E2F5: variants seen among roughly 807,000 people sequenced by gnomAD.
E2F5 encodes the protein transcription factor E2F5.
In E2F5, 23 loss-of-function variants were observed where a neutral mutation model predicts 39.1. That is an observed-to-expected ratio of 0.59 (90% confidence interval 0.42 to 0.83). The LOEUF (loss-of-function observed/expected upper bound fraction) is 0.83, where lower values mean the gene tolerates loss of function less well. Among genes scored for constraint, E2F5 ranks in the 40% least tolerant of loss-of-function variants. The pLI is 0.00. For missense variants in E2F5, 365 were observed against 406.7 expected (o/e 0.90, Z 0.88); for synonymous variants, 145 against 157.8 (o/e 0.92, Z 0.61).
In E2F5 at chr8:85,214,080, G is replaced by A. The variant is rs940738079; in HGVS notation, c.*218G>A. The A allele has an allele frequency of 2.9e-5, 17 of 591,970 alleles. No individual in the cohort carries two copies. The highest frequency in any genetic ancestry group is 6.8e-5 in the East Asian group (2 of 29,328). The allele number at this position is 591,970 out of a possible 1,614,324, so 36.7% of individuals were successfully genotyped here. A position where few individuals can be genotyped will look rare whatever the true frequency, so the allele number is the denominator to read the frequency against. ...GATAAGTGATTTAATATCCACAAAC[G>A]TCCCCACTCCCAAAAGTAACTATAT... is the stretch of plus-strand genomic sequence containing the variant. On this transcript the variant is annotated 3_prime_UTR_variant, in exon 8 of 8. Coordinates refer to ENST00000416274, the MANE Select transcript of E2F5 (RefSeq NM_001951.4).
chr8:85,212,048 T>TTAAA, intron 6 of E2F5, 109 bp from the exon 7 acceptor site: 2 of 819,342 alleles, frequency 2.4e-6, no homozygotes, highest in Non-Finnish European at 4.0e-6. Flanking sequence ...TACTAGTACT[T>TTAAA]TAAATAAATG....
At chr8:85,203,376 C>A (rs1194922757) in intron 3 of E2F5, 121 bp downstream of exon 3, 2 of 732,852 alleles carry the variant, frequency 2.7e-6, no homozygotes, top group Non-Finnish European at 3.8e-6. Flanking sequence ...GTAAATATGA[C>A]ATTTTAATTT....
At chr8:85,208,282 C>T (rs371602971) in intron 5 of E2F5, among the ~76,000 whole-genome samples, 4 of 152,162 alleles carry the variant, frequency 2.6e-5, no homozygotes, top group East Asian at 3.9e-4. Context: ...GAGCCGAAAT[C>T]GCGCCATTGC....
rs564212600 is a variant in E2F5 at position 85,183,432 on chromosome 8, C to T, written c.234+5778C>T. On this transcript the variant is annotated intron_variant, in intron 1 of 7. Coordinates refer to ENST00000416274, the MANE Select transcript of E2F5 (RefSeq NM_001951.4). ...ACCCAAAGAATTGAAAGCAGGGCCT[C>T]AAGAAGGTATGTATACCCCTGTGTT... Among the ~76,000 whole-genome samples the T allele has an allele frequency of 2.6e-5, 4 of 152,240 alleles. No individual in the cohort carries two copies. The East Asian group carries it at 7.7e-4, about 29-fold the overall frequency.
intron 3 of E2F5, among the ~76,000 whole-genome samples, chr8:85,205,709 G>T (rs1452533140): frequency 6.6e-6 from 1 of 152,182 alleles, no homozygotes; most frequent in Non-Finnish European, 1.5e-5. Context: ...AGCCTGCCTT[G>T]CCTCCCGTCA....
intron 1 of E2F5, among the ~76,000 whole-genome samples, chr8:85,192,807 A>C (rs1314980408): frequency 1.3e-5 from 2 of 152,254 alleles, no homozygotes; most frequent in African/African-American, 4.8e-5. Context: ...ACCATCTCAC[A>C]GCATCAGAAG....
Position 85,177,339 on chromosome 8 carries a change from G to T in E2F5, c.-82G>T. ...CGGCGGGCGGGGAAGCGGCCGCAGCGGAGCCGACCCGGCAGGTGGCCGCGG... is the reference window on the plus strand; with the variant it reads ...CGGCGGGCGGGGAAGCGGCCGCAGCTGAGCCGACCCGGCAGGTGGCCGCGG... On this transcript the variant is annotated 5_prime_UTR_variant, in exon 1 of 8. Coordinates refer to ENST00000416274, the MANE Select transcript of E2F5 (RefSeq NM_001951.4). 27 of 970,688 alleles carry T rather than the reference G, an allele frequency of 2.8e-5. No homozygotes were observed. Among genetic ancestry groups the T allele is most frequent in the Non-Finnish European group, 3.3e-5 (27 of 816,626 alleles). 60.1% of individuals were successfully genotyped at this position (970,688 alleles called of 1,614,324 possible).
intron 3 of E2F5, among the ~76,000 whole-genome samples, chr8:85,204,704 T>TA (rs1052978669): frequency 2.7e-5 from 4 of 150,192 alleles, no homozygotes; most frequent in South Asian, 2.1e-4. Flanking sequence ...ATAATAAAAT[T>TA]AAAAAAAAAG....
At chr8:85,185,773 G>A (rs1031886147) in intron 1 of E2F5, among the ~76,000 whole-genome samples, 1 of 152,178 alleles carries the variant, frequency 6.6e-6, no homozygotes, top group Non-Finnish European at 1.5e-5. Flanking sequence ...CATCGTCACT[G>A]GTCATTGGAA....
intron 3 of E2F5, among the ~76,000 whole-genome samples, chr8:85,205,046 C>T (rs749948408): frequency 6.6e-6 from 1 of 152,164 alleles, no homozygotes; most frequent in Non-Finnish European, 1.5e-5. Context: ...ACTAGCTGGG[C>T]ATGGCAATGT....
At chr8:85,188,135 T>G (rs1035413403) in intron 1 of E2F5, among the ~76,000 whole-genome samples, 3 of 152,188 alleles carry the variant, frequency 2.0e-5, no homozygotes, top group Admixed American at 2.0e-4. Context: ...TATCGTCTAT[T>G]GCTTAAAAAT....
chr8:85,195,199 A>G (rs953144926), intron 1 of E2F5, among the ~76,000 whole-genome samples: 3 of 151,970 alleles, frequency 2.0e-5, no homozygotes, highest in Non-Finnish European at 4.4e-5. Flanking sequence ...CTTGCCCAAC[A>G]TAGTGAAACC....
chr8:85,182,253 C>T (rs1419620431), intron 1 of E2F5, among the ~76,000 whole-genome samples: 1 of 152,150 alleles, frequency 6.6e-6, no homozygotes, highest in Non-Finnish European at 1.5e-5. Flanking sequence ...TTACCATATG[C>T]AAAACATTTT....
intron 5 of E2F5, among the ~76,000 whole-genome samples, chr8:85,207,723 T>C (rs1043540678): frequency 4.3e-5 from 5 of 115,668 alleles, no homozygotes; most frequent in African/African-American, 1.5e-4. Flanking sequence ...TAGTCATTTA[T>C]TGATATCATT....
intron 4 of E2F5, 67 bp from the exon 5 acceptor site, chr8:85,207,358 C>A: frequency 1.5e-6 from 2 of 1,376,290 alleles, no homozygotes; most frequent in Non-Finnish European, 2.0e-6. Context: ...CCAGAGCCCA[C>A]ATTCTTGCCA....
intron 1 of E2F5, 126 bp downstream of exon 1, chr8:85,177,780 A>C: frequency 2.6e-6 from 3 of 1,146,402 alleles, no homozygotes; most frequent in Non-Finnish European, 2.1e-6. Context: ...GGGACCGGGC[A>C]ATCCGAGGAC....
chr8:85,204,225 A>C (rs907239490), intron 3 of E2F5, among the ~76,000 whole-genome samples: 3 of 152,026 alleles, frequency 2.0e-5, no homozygotes, highest in Non-Finnish European at 4.4e-5. Context: ...GCTTTACGAG[A>C]TGCTGGCCAT....
chr8:85,177,787 G>C (rs1164839367), intron 1 of E2F5, 133 bp downstream of exon 1: 1 of 1,146,548 alleles, frequency 8.7e-7, no homozygotes, highest in Middle Eastern at 3.6e-4. Flanking sequence ...GGCAATCCGA[G>C]GACCATGTGG....
chr8:85,196,415 T>A, intron 1 of E2F5, among the ~76,000 whole-genome samples: 1 of 152,216 alleles, frequency 6.6e-6, no homozygotes, highest in Non-Finnish European at 1.5e-5. Flanking sequence ...TAGACATGTA[T>A]GCAATTTTTT....
Sources: allele counts gnomAD v4.1 joint callset (sites outside exome capture counted in the v4.1 genomes callset), GRCh38; gene constraint gnomAD v4.1.1; transcripts MANE v1.5; gene names NCBI Gene and HGNC (gene_info 2026-07-23, HGNC 2026-07-21).